Variants in MKRN1 observed in about 807,000 individuals in gnomAD.
The protein encoded by MKRN1 is makorin ring finger protein 1, also known as E3 ubiquitin-protein ligase makorin-1.
A neutral mutation model predicts 55.5 loss-of-function variants in MKRN1; 9 were observed. The ratio of observed to expected loss-of-function variants is 0.16; its 90% confidence interval spans 0.10 to 0.28. The LOEUF is 0.28. Among genes scored for constraint, MKRN1 ranks in the 10% least tolerant of loss-of-function variants. The probability of loss-of-function intolerance (pLI) is 1.00; values close to 1 mark genes in which losing one functional copy is unlikely to be tolerated. For synonymous variants in MKRN1, 253 were observed against 235.9 expected (o/e 1.07, Z -0.66); for missense variants, 488 against 626.7 (o/e 0.78, Z 2.36).
rs1794403347 is a variant in MKRN1, at chr7:140,454,215, A to G, written c.*302T>C. On this transcript the variant is annotated 3_prime_UTR_variant, in exon 8 of 8. Coordinates refer to ENST00000255977, the MANE Select transcript of MKRN1 (RefSeq NM_013446.4). ...CTCAAAATGAGTGTGTGAAAAGTCC[A>G]TAAATGCAATCTGGTTGAAAACAGA... 5.3e-6 allele frequency: 2 copies of G among 380,688 alleles called. No individual in the cohort carries two copies. The highest frequency in any genetic ancestry group is 5.0e-5 in the South Asian group (2 of 40,240). 23.6% of individuals were successfully genotyped at this position (380,688 alleles called of 1,614,324 possible). A position where few individuals can be genotyped will look rare whatever the true frequency, so the allele number is the denominator to read the frequency against.
intron 2 of MKRN1, 30 bp from the exon 3 acceptor site, chr7:140,459,966 G>C (rs1244073811): frequency 6.3e-7 from 1 of 1,580,974 alleles, no homozygotes; most frequent in African/African-American, 1.4e-5. Flanking sequence ...TAAGCAGTCG[G>C]CCAGTCGTGG....
At chr7:140,455,398 C>T (rs1794438712) in intron 6 of MKRN1, 165 bp from the exon 7 acceptor site, 1 of 807,518 alleles carries the variant, frequency 1.2e-6, no homozygotes, top group Admixed American at 2.8e-5. Context: ...GCAAGAAACA[C>T]TAACTAGAAA....
At chr7:140,463,729 C>CA (rs762023333) in intron 2 of MKRN1, among the ~76,000 whole-genome samples, 69 of 151,834 alleles carry the variant, frequency 4.5e-4, no homozygotes, top group Non-Finnish European at 6.0e-4. Flanking sequence ...ACTAAAAATA[C>CA]AAAAAATTAG....
intron 2 of MKRN1, among the ~76,000 whole-genome samples, chr7:140,464,798 T>C (rs1224977123): frequency 2.0e-5 from 3 of 152,170 alleles, no homozygotes; most frequent in Non-Finnish European, 4.4e-5. Context: ...TTATATTTTT[T>C]GTTTTCTTTG....
At position 140,456,962 on chromosome 7, in the gene MKRN1, T is replaced by C. The variant is rs1007010801; in HGVS notation, c.772-96A>G. On this transcript the variant is annotated intron_variant, in intron 4 of 7. Coordinates refer to ENST00000255977, the MANE Select transcript of MKRN1 (RefSeq NM_013446.4). Reference sequence around the variant, plus strand: ...GATTCACAGTCAAAGAATCAAATAGTCAACTGAAAAAACAATGTTCCCAAG... The same window carrying C: ...GATTCACAGTCAAAGAATCAAATAGCCAACTGAAAAAACAATGTTCCCAAG... The C allele has an allele frequency of 5.7e-6, 7 of 1,232,474 alleles. No individual in the cohort carries two copies. The African/African-American group carries it at 1.1e-4, about 19-fold the overall frequency. 76.3% of individuals were successfully genotyped at this position (1,232,474 alleles called of 1,614,324 possible).
intron 1 of MKRN1, among the ~76,000 whole-genome samples, chr7:140,476,250 T>C (rs1285242420): frequency 6.6e-6 from 1 of 152,178 alleles, no homozygotes; most frequent in African/African-American, 2.4e-5. Context: ...TGCACTCTCT[T>C]GAACACCTAA....
At chr7:140,463,483 T>C (rs1794678919) in intron 2 of MKRN1, among the ~76,000 whole-genome samples, 1 of 152,258 alleles carries the variant, frequency 6.6e-6, no homozygotes, top group African/African-American at 2.4e-5. Context: ...AAAAGCTACA[T>C]GGAGCTAGAA....
chr7:140,465,225 C>T (rs761236190), intron 2 of MKRN1, among the ~76,000 whole-genome samples: 7 of 152,122 alleles, frequency 4.6e-5, no homozygotes, highest in African/African-American at 1.4e-4. Flanking sequence ...AGGCCAGGCA[C>T]GGTAGTTCAC....
chr7:140,459,562 T>C, intron 3 of MKRN1, 145 bp downstream of exon 3: 1 of 797,410 alleles, frequency 1.3e-6, no homozygotes, highest in East Asian at 2.7e-5. Flanking sequence ...TATCTGTAAA[T>C]CTTAGGTAAT....
At chr7:140,462,195 C>CT (rs1297401083) in intron 2 of MKRN1, among the ~76,000 whole-genome samples, 1 of 151,886 alleles carries the variant, frequency 6.6e-6, no homozygotes, top group South Asian at 2.1e-4. Flanking sequence ...GCTGGTCTAA[C>CT]TTTTTTTATT....
intron 2 of MKRN1, among the ~76,000 whole-genome samples, chr7:140,469,339 T>C (rs1010580226): frequency 1.3e-5 from 2 of 150,442 alleles, no homozygotes; most frequent in Non-Finnish European, 3.0e-5. Flanking sequence ...AAAAAAAAAA[T>C]TTACTATGAC....
chr7:140,462,466 T>A (rs1426265938), intron 2 of MKRN1, among the ~76,000 whole-genome samples: 1 of 152,252 alleles, frequency 6.6e-6, no homozygotes, highest in Admixed American at 6.5e-5. Flanking sequence ...CCTATGTTTA[T>A]ACGCAAAAAT....
chr7:140,473,552 TGCA>T (rs1322526860), intron 1 of MKRN1, among the ~76,000 whole-genome samples: 1 of 152,236 alleles, frequency 6.6e-6, no homozygotes, highest in African/African-American at 2.4e-5. Context: ...TCAATTCATC[TGCA>T]GTGACACTTC....
chr7:140,468,563 T>TG (rs1330332097), intron 2 of MKRN1, among the ~76,000 whole-genome samples: 2 of 151,750 alleles, frequency 1.3e-5, no homozygotes, highest in Non-Finnish European at 2.9e-5. Flanking sequence ...TAGCTGGGTG[T>TG]GGTGGCACAT....
At chr7:140,463,482 A>G (rs1196099805) in intron 2 of MKRN1, among the ~76,000 whole-genome samples, 2 of 152,250 alleles carry the variant, frequency 1.3e-5, no homozygotes, top group Non-Finnish European at 2.9e-5. Flanking sequence ...CAAAAGCTAC[A>G]TGGAGCTAGA....
In MKRN1 at chr7:140,479,467, G is replaced by C. The variant is rs150126646; in HGVS notation, c.-123C>G. On this transcript the variant is annotated 5_prime_UTR_variant, in exon 1 of 8. Coordinates refer to ENST00000255977, the MANE Select transcript of MKRN1 (RefSeq NM_013446.4). ...GGGAAGGACACTGAGGCACCCGTTCGGTCCCCGCCTGCTACGCGTCGCGTA... is the reference window on the plus strand; with the variant it reads ...GGGAAGGACACTGAGGCACCCGTTCCGTCCCCGCCTGCTACGCGTCGCGTA... The C allele has an allele frequency of 1.2e-3, 1,199 of 1,018,704 alleles. 13 individuals carry two copies. The African/African-American group carries it at 0.017, about 15-fold the overall frequency. 63.1% of individuals were successfully genotyped at this position (1,018,704 alleles called of 1,614,324 possible).
rs368416139 is a variant in MKRN1 at position 140,461,839 on chromosome 7, C to A, written c.315-1903G>T. On this transcript the variant is annotated intron_variant, in intron 2 of 7. Transcript: ENST00000255977. ...TCTCTACTAAAAATACAAAATTAGC[C>A]AGGCATGGTGGCGCATGCTTGTAAT... Among the ~76,000 whole-genome samples the A allele has an allele frequency of 8.6e-5, 13 of 151,972 alleles. No individual in the cohort carries two copies. The East Asian group carries it at 1.4e-3, about 16-fold the overall frequency.
intron 2 of MKRN1, among the ~76,000 whole-genome samples, chr7:140,470,366 C>T (rs532870826): frequency 6.6e-6 from 1 of 152,076 alleles, no homozygotes; most frequent in South Asian, 2.1e-4. Context: ...GCGTGGATCA[C>T]CTGAGGTCAG....
chr7:140,453,188 T>C lies in MKRN1; in HGVS notation c.*1329A>G, dbSNP rs1182371163. ...GGATCCAAGGAATCAAAGCAGTAGA[T>C]GGACAAACCAGGAGCATCCCCGAGT... is the stretch of plus-strand genomic sequence containing the variant. On this transcript the variant is annotated 3_prime_UTR_variant, in exon 8 of 8. Coordinates refer to ENST00000255977, the MANE Select transcript of MKRN1 (RefSeq NM_013446.4). 1.3e-5 allele frequency: 2 copies of C among 152,568 alleles called. No individual in the cohort carries two copies. The highest frequency in any genetic ancestry group is 2.1e-4 in the South Asian group (1 of 4,832). 9.5% of individuals were successfully genotyped at this position (152,568 alleles called of 1,614,324 possible).
Sources: allele counts gnomAD v4.1 joint callset (sites outside exome capture counted in the v4.1 genomes callset), GRCh38; gene constraint gnomAD v4.1.1; transcripts MANE v1.5; gene names NCBI Gene and HGNC (gene_info 2026-07-23, HGNC 2026-07-21).